The following FHIT variants were observed in gnomAD, a reference collection of about 807,000 sequenced individuals.
FHIT encodes bis(5'-adenosyl)-triphosphatase.
In FHIT, 19 loss-of-function variants were observed where a neutral mutation model predicts 17.9. The ratio of observed to expected loss-of-function variants is 1.06; its 90% CI spans 0.74 to 1.56. The LOEUF (loss-of-function observed/expected upper bound fraction) is 1.56. Among genes scored for constraint, FHIT ranks in the 40% most tolerant of loss-of-function variants. The pLI is 0.00. For synonymous variants in FHIT, 81 were observed against 69.7 expected (o/e 1.16, Z -0.81); for missense variants, 248 against 189.2 (o/e 1.31, Z -1.82).
chr3:61,177,940 T>A (rs984469852), intron 2 of FHIT, among the ~76,000 whole-genome samples: 1 of 151,942 alleles, frequency 6.6e-6, no homozygotes, highest in African/African-American at 2.4e-5. Flanking sequence ...ACTTTCTGGG[T>A]TTTTTTTCCT....
rs1702590080 is a variant in FHIT at position 59,865,220 on chromosome 3, G to T, written c.348+57126C>A. ...AAAAGCATAAAAAATTAATACTGTG[G>T]GATTAGCATTATTATAGAAATACAT... On this transcript the variant is annotated intron_variant, in intron 8 of 9. Transcript: ENST00000492590. 2.0e-5 allele frequency among the ~76,000 whole-genome samples: 3 copies of T among 152,216 alleles called. No homozygotes were observed. In the South Asian group the frequency reaches 6.2e-4, roughly 32 times the overall value.
intron 3 of FHIT, among the ~76,000 whole-genome samples, chr3:60,961,943 T>C (rs1553781088): frequency 6.6e-6 from 1 of 152,196 alleles, no homozygotes; most frequent in African/African-American, 2.4e-5. Context: ...AACTTTAAGG[T>C]AGTTTTTTCC....
At chr3:60,093,380 C>T (rs1703809669) in intron 5 of FHIT, among the ~76,000 whole-genome samples, 1 of 152,146 alleles carries the variant, frequency 6.6e-6, no homozygotes, top group African/African-American at 2.4e-5. Context: ...TGCCTCCCAC[C>T]TCCACTTCTA....
At chr3:60,178,454 C>A (rs545822866) in intron 5 of FHIT, among the ~76,000 whole-genome samples, 4 of 151,892 alleles carry the variant, frequency 2.6e-5, no homozygotes, top group African/African-American at 9.7e-5. Flanking sequence ...GGTGTTGTGG[C>A]GCACACCTGT....
intron 2 of FHIT, among the ~76,000 whole-genome samples, chr3:61,057,923 G>A (rs2034282686): frequency 6.6e-6 from 1 of 152,096 alleles, no homozygotes; most frequent in Non-Finnish European, 1.5e-5. Context: ...AGGCTCCTTG[G>A]GTCACAGAAC....
intron 5 of FHIT, among the ~76,000 whole-genome samples, chr3:60,094,733 T>C (rs1256721634): frequency 4.0e-5 from 6 of 150,342 alleles, no homozygotes. Context: ...GAGTGGTAGC[T>C]GGGTGCTGCT....
intron 4 of FHIT, among the ~76,000 whole-genome samples, chr3:60,806,824 A>T (rs1422625609): frequency 6.6e-6 from 1 of 152,248 alleles, no homozygotes; most frequent in Non-Finnish European, 1.5e-5. Context: ...GAGTGCATAG[A>T]AGGATTAAGC....
intron 7 of FHIT, among the ~76,000 whole-genome samples, chr3:59,977,169 T>C (rs751352880): frequency 2.0e-5 from 3 of 152,152 alleles, no homozygotes. Context: ...ATTTTATAGA[T>C]AGCACAACTG....
chr3:60,911,033 A>G (rs1706714816), intron 3 of FHIT, among the ~76,000 whole-genome samples: 1 of 152,226 alleles, frequency 6.6e-6, no homozygotes, highest in Non-Finnish European at 1.5e-5. Flanking sequence ...GCTGGCAGGA[A>G]AAAATGAGAA....
chr3:60,546,511 T>A lies in FHIT; in HGVS notation c.-17-9532A>T, dbSNP rs371964298. ...TTATAATTTCAAATAATGCTTTATA[T>A]GCTTTTTTACCCACCATCCCTCTCT... On this transcript the variant is annotated intron_variant, in intron 4 of 9. Transcript: ENST00000492590. Among the ~76,000 whole-genome samples, 15 of 152,332 alleles carry A rather than the reference T, an allele frequency of 9.8e-5. No homozygotes were observed. The East Asian group carries it at 2.9e-3, about 29-fold the overall frequency.
At chr3:60,638,882 G>C (rs1281650189) in intron 4 of FHIT, among the ~76,000 whole-genome samples, 1 of 151,432 alleles carries the variant, frequency 6.6e-6, no homozygotes. Flanking sequence ...TGGTGTGTTG[G>C]GGGTGGGAAT....
intron 5 of FHIT, among the ~76,000 whole-genome samples, chr3:60,446,288 A>G (rs1299297462): frequency 6.6e-6 from 1 of 152,154 alleles, no homozygotes; most frequent in Non-Finnish European, 1.5e-5. Flanking sequence ...AAGTAGAATT[A>G]CAGAAGCTGT....
chr3:60,911,371 GCACACACACACA>G (rs35183064), intron 3 of FHIT, among the ~76,000 whole-genome samples: 4 of 148,956 alleles, frequency 2.7e-5, no homozygotes, highest in African/African-American at 7.4e-5. Context: ...TTCTTTGCAT[GCACACACACACA>G]CACACACACA....
chr3:60,363,272 CGT>C (rs1421513540), intron 5 of FHIT, among the ~76,000 whole-genome samples: 1 of 152,168 alleles, frequency 6.6e-6, no homozygotes, highest in East Asian at 1.9e-4. Context: ...CTCCAAGTGA[CGT>C]GTGTGTGTGC....
At chr3:60,765,038 G>T (rs1699801138) in intron 4 of FHIT, among the ~76,000 whole-genome samples, 1 of 152,112 alleles carries the variant, frequency 6.6e-6, no homozygotes, top group Non-Finnish European at 1.5e-5. Context: ...TTGGTTAGAT[G>T]AATGGATGTC....
chr3:60,602,034 T>C (rs1430814386), intron 4 of FHIT, among the ~76,000 whole-genome samples: 2 of 150,500 alleles, frequency 1.3e-5, no homozygotes, highest in African/African-American at 2.4e-5. Context: ...GCAAACAAAG[T>C]AAGCATTAAT....
chr3:60,612,024 C>T (rs1553673799), intron 4 of FHIT, among the ~76,000 whole-genome samples: 1 of 152,118 alleles, frequency 6.6e-6, no homozygotes, highest in Non-Finnish European at 1.5e-5. Context: ...TCACCTAGCC[C>T]TCACCTGCTC....
intron 5 of FHIT, among the ~76,000 whole-genome samples, chr3:60,103,746 G>A (rs571434742): frequency 3.0e-4 from 46 of 152,250 alleles, no homozygotes; most frequent in African/African-American, 1.0e-3. Flanking sequence ...TTTTTCCAAC[G>A]TTTTCAGCTC....
At chr3:60,675,244 T>G (rs1553694981) in intron 4 of FHIT, among the ~76,000 whole-genome samples, 2 of 152,234 alleles carry the variant, frequency 1.3e-5, no homozygotes, top group African/African-American at 4.8e-5. Context: ...AAAACTAAAA[T>G]GCTTTAGTAT....
Sources: gnomAD v4.1 joint callset for allele counts (sites outside exome capture counted in the v4.1 genomes callset) on GRCh38, gnomAD v4.1.1 for gene constraint, MANE v1.5 for transcripts, NCBI Gene and HGNC (gene_info 2026-07-23, HGNC 2026-07-21) for gene names.